MRPS6: variants seen among roughly 807,000 people sequenced by gnomAD.
The protein encoded by MRPS6 is small ribosomal subunit protein bS6m.
MRPS6 carries 6 observed loss-of-function variants against 13.1 expected under a neutral mutation model. The observed-to-expected ratio is 0.46, with a 90% CI of 0.25 to 0.91. The LOEUF is 0.91. Among genes scored for constraint, MRPS6 ranks in the 40% least tolerant of loss-of-function variants. MRPS6 has a pLI of 0.18. For missense variants in MRPS6, 164 were observed against 155.6 expected (o/e 1.05, Z -0.29); for synonymous variants, 61 against 56.5 (o/e 1.08, Z -0.36).
intron 1 of MRPS6, among the ~76,000 whole-genome samples, chr21:34,074,572 G>A (rs1989278461): frequency 1.3e-5 from 2 of 152,232 alleles, no homozygotes; most frequent in South Asian, 4.1e-4. Context: ...CCCGGAGGCA[G>A]CTCACTTCGT....
At chr21:34,084,123 T>TA (rs1989519132) in intron 1 of MRPS6, among the ~76,000 whole-genome samples, 1 of 148,428 alleles carries the variant, frequency 6.7e-6, no homozygotes, top group South Asian at 2.1e-4. Context: ...TGGTCTTACT[T>TA]CTTACTTCTT....
chr21:34,090,550 A>G (rs921620018), intron 1 of MRPS6, among the ~76,000 whole-genome samples: 1 of 152,216 alleles, frequency 6.6e-6, no homozygotes, highest in Non-Finnish European at 1.5e-5. Flanking sequence ...ATCTTTCTAT[A>G]TATAAATAAC....
intron 1 of MRPS6, chr21:34,100,977 A>G (rs1348064965): frequency 2.0e-6 from 2 of 1,000,024 alleles, no homozygotes; most frequent in Non-Finnish European, 2.4e-6. Flanking sequence ...GCTCATTTTC[A>G]TCAGAGGCAT....
chr21:34,080,086 T>C (rs1989425653), intron 1 of MRPS6, among the ~76,000 whole-genome samples: 1 of 152,248 alleles, frequency 6.6e-6, no homozygotes, highest in Non-Finnish European at 1.5e-5. Flanking sequence ...TTAGCTGGTC[T>C]CCTGACATAC....
intron 1 of MRPS6, among the ~76,000 whole-genome samples, chr21:34,114,162 A>C (rs952331333): frequency 6.6e-6 from 1 of 152,198 alleles, no homozygotes; most frequent in Admixed American, 6.5e-5. Context: ...CCTCTCAGCA[A>C]GAGGATCATG....
rs562841272 is a variant in MRPS6, at chr21:34,073,595, G to A, written c.-106G>A. The A allele has an allele frequency of 5.3e-5, 53 of 991,692 alleles. 1 individual carries two copies. The East Asian group carries it at 8.8e-4, about 17-fold the overall frequency. 61.4% of individuals were successfully genotyped at this position (991,692 alleles called of 1,614,324 possible). ...CGGACCGTGCTTTCGCCGCCTGGGA[G>A]CCGTCCGGCGCAGCAGTTTCTAGGT... On this transcript the variant is annotated 5_prime_UTR_variant, in exon 1 of 3. Coordinates refer to ENST00000399312, the MANE Select transcript of MRPS6 (RefSeq NM_032476.4).
chr21:34,098,256 A>G, intron 1 of MRPS6: 2 of 999,864 alleles, frequency 2.0e-6, no homozygotes, highest in Non-Finnish European at 2.4e-6. Flanking sequence ...TTCTAGCTTT[A>G]TTCTTGTTAT....
At chr21:34,103,838 T>G in intron 1 of MRPS6, 1 of 1,000,128 alleles carries the variant, frequency 1.0e-6, no homozygotes, top group Non-Finnish European at 1.2e-6. Context: ...AAATTATATT[T>G]GGGGGTTACT....
At chr21:34,079,087 TA>T (rs1437304115) in intron 1 of MRPS6, among the ~76,000 whole-genome samples, 7 of 152,318 alleles carry the variant, frequency 4.6e-5, no homozygotes, top group African/African-American at 1.7e-4. Context: ...GCTTTGAAAT[TA>T]GAGCAAGAGT....
At chr21:34,121,433 C>G (rs1353599002) in intron 1 of MRPS6, among the ~76,000 whole-genome samples, 2 of 152,134 alleles carry the variant, frequency 1.3e-5, no homozygotes, top group African/African-American at 4.8e-5. Flanking sequence ...AGTGAATGAG[C>G]TAGGACTAGA....
chr21:34,125,597 G>T, intron 2 of MRPS6, 117 bp downstream of exon 2: 1 of 1,440,158 alleles, frequency 6.9e-7, no homozygotes, highest in Non-Finnish European at 9.3e-7. Context: ...GCGCCTAGGT[G>T]TCCTTTGGGT....
At chr21:34,139,969 A>G (rs1186233646) in intron 2 of MRPS6, among the ~76,000 whole-genome samples, 1 of 152,068 alleles carries the variant, frequency 6.6e-6, no homozygotes, top group African/African-American at 2.4e-5. Flanking sequence ...CCTTTAATTT[A>G]TACCTTACCT....
At chr21:34,100,520 C>T in intron 1 of MRPS6, 1 of 1,000,232 alleles carries the variant, frequency 1.0e-6, no homozygotes, top group Non-Finnish European at 1.2e-6. Context: ...TCTCCTAGGG[C>T]TTCCTTTTCA....
intron 1 of MRPS6, among the ~76,000 whole-genome samples, chr21:34,087,765 AG>A (rs1409684214): frequency 6.6e-6 from 1 of 152,250 alleles, no homozygotes; most frequent in Non-Finnish European, 1.5e-5. Context: ...TAGTGGGCCA[AG>A]GGCAGAAGCA....
chr21:34,112,647 A>G (rs191704344), intron 1 of MRPS6, among the ~76,000 whole-genome samples: 30 of 152,130 alleles, frequency 2.0e-4, no homozygotes, highest in African/African-American at 6.7e-4. Context: ...GTATTTGTCT[A>G]TTCTGGACAC....
intron 1 of MRPS6, among the ~76,000 whole-genome samples, chr21:34,114,587 C>T (rs1979830094): frequency 6.6e-6 from 1 of 152,104 alleles, no homozygotes; most frequent in Admixed American, 6.6e-5. Flanking sequence ...TTAAAGCTCC[C>T]AGGTGATTCA....
chr21:34,095,179 A>G (rs755168551), intron 1 of MRPS6: 11 of 1,571,862 alleles, frequency 7.0e-6, no homozygotes, highest in South Asian at 1.2e-5. Flanking sequence ...TTGGAGCGCT[A>G]TTATTCACAA....
intron 1 of MRPS6, chr21:34,098,609 T>A: frequency 1.0e-6 from 1 of 1,000,270 alleles, no homozygotes; most frequent in Non-Finnish European, 1.2e-6. Context: ...AGGTTGTCAA[T>A]ATAGTCTTTC....
At chr21:34,089,293 C>T (rs1255301261) in intron 1 of MRPS6, among the ~76,000 whole-genome samples, 1 of 152,022 alleles carries the variant, frequency 6.6e-6, no homozygotes, top group East Asian at 1.9e-4. Context: ...GCTGGGATTA[C>T]AGGTGTGAGT....
Sources: allele counts gnomAD v4.1 joint callset (sites outside exome capture counted in the v4.1 genomes callset), GRCh38; gene constraint gnomAD v4.1.1; transcripts MANE v1.5; gene names NCBI Gene and HGNC (gene_info 2026-07-23, HGNC 2026-07-21).